NBEAL1: variants seen among roughly 807,000 people sequenced by gnomAD.
NBEAL1 encodes the protein neurobeachin like 1.
NBEAL1 carries 273 observed loss-of-function variants against 351.3 expected under a neutral mutation model. The ratio of observed to expected loss-of-function variants is 0.78; its 90% CI spans 0.70 to 0.86. The LOEUF is 0.86. Ranked by LOEUF, NBEAL1 falls within the 40% of genes least tolerant of loss-of-function variation. The probability of loss-of-function intolerance (pLI) is 0.00; values close to 1 mark genes in which losing one functional copy is unlikely to be tolerated. For synonymous variants in NBEAL1, 1,050 were observed against 1,086.4 expected, an observed-to-expected ratio of 0.97 and a Z score of 0.66; for missense variants, 2,961 against 3,201.3, an observed-to-expected ratio of 0.92 and a Z score of 1.81.
chr2:203,019,343 T>TC (rs1035037970), intron 2 of NBEAL1, among the ~76,000 whole-genome samples: 1 of 152,220 alleles, frequency 6.6e-6, no homozygotes. Flanking sequence ...TGATTACAGT[T>TC]CCTTAAAGGG....
At chr2:203,046,894 G>A (rs1048065513) in intron 3 of NBEAL1, among the ~76,000 whole-genome samples, 9 of 152,136 alleles carry the variant, frequency 5.9e-5, no homozygotes, top group Admixed American at 5.9e-4. Context: ...AGACATATAG[G>A]TCGGATGCAG....
intron 37 of NBEAL1, 32 bp from the exon 38 acceptor site, chr2:203,167,195 T>A: frequency 1.3e-6 from 2 of 1,589,184 alleles, no homozygotes; most frequent in South Asian, 2.3e-5. Flanking sequence ...CTTTATATGG[T>A]ATCTCAGTCA....
chr2:203,102,314 C>T (rs932726894), intron 12 of NBEAL1, among the ~76,000 whole-genome samples: 3 of 152,136 alleles, frequency 2.0e-5, no homozygotes, highest in Admixed American at 2.0e-4. Context: ...TTTCTCTTGC[C>T]TGATTGCTCT....
chr2:203,155,665 C>T (rs1023843609), intron 35 of NBEAL1, among the ~76,000 whole-genome samples: 1 of 152,096 alleles, frequency 6.6e-6, no homozygotes, highest in Non-Finnish European at 1.5e-5. Context: ...CCAGGTTGGT[C>T]TTGAATTTCT....
intron 17 of NBEAL1, among the ~76,000 whole-genome samples, chr2:203,115,037 C>T (rs1231999994): frequency 6.6e-6 from 1 of 152,120 alleles, no homozygotes; most frequent in East Asian, 1.9e-4. Context: ...CAGGCGTGAG[C>T]CACTGTGCTA....
chr2:203,116,042 G>T lies in NBEAL1; in HGVS notation c.2564G>T (p.Gly855Val), dbSNP rs1420419730. The T allele has an allele frequency of 4.5e-6, 7 of 1,553,524 alleles. No homozygotes were observed. Among genetic ancestry groups the T allele is most frequent in the Non-Finnish European group, 5.2e-6 (6 of 1,147,368 alleles). ...GAGTCTGACATGGCCGACCTGCCTGGTAACATCCTTCTTTACTACACAGCA... is the reference window on the plus strand; with the variant it reads ...GAGTCTGACATGGCCGACCTGCCTGTTAACATCCTTCTTTACTACACAGCA... ...CQESDMADLP[G>V]NILLYYTAKA... Residue 855 changes from glycine (G) to valine (V), a missense_variant, in exon 18 of 56, where the codon GGT becomes GTT. Coordinates refer to ENST00000683969, the MANE Select transcript of NBEAL1 (RefSeq NM_001378026.1).
intron 35 of NBEAL1, among the ~76,000 whole-genome samples, chr2:203,153,214 C>T (rs72934589): frequency 0.092 from 14,049 of 152,082 alleles, 756 homozygotes; most frequent in Non-Finnish European, 0.12. Context: ...CTCACTGTAG[C>T]CTTGACCTCC....
intron 2 of NBEAL1, among the ~76,000 whole-genome samples, chr2:203,020,840 T>C (rs925083551): frequency 1.3e-5 from 2 of 152,192 alleles, no homozygotes; most frequent in African/African-American, 4.8e-5. Flanking sequence ...GGATTTTAGT[T>C]CAGTAGTTAA....
intron 24 of NBEAL1, 107 bp from the exon 25 acceptor site, chr2:203,130,211 T>C (rs954698285): frequency 8.2e-6 from 9 of 1,096,738 alleles, no homozygotes; most frequent in African/African-American, 6.7e-5. Flanking sequence ...GAAGTTAAGA[T>C]AAAACATTAT....
intron 44 of NBEAL1, among the ~76,000 whole-genome samples, chr2:203,188,104 CTTGAA>C (rs1013915159): frequency 6.6e-6 from 1 of 151,034 alleles, no homozygotes; most frequent in Non-Finnish European, 1.5e-5. Flanking sequence ...ATTTTTTTTT[CTTGAA>C]TTGAATTTCT....
intron 54 of NBEAL1, among the ~76,000 whole-genome samples, chr2:203,211,374 C>G (rs909384329): frequency 7.9e-5 from 12 of 152,102 alleles, no homozygotes; most frequent in Admixed American, 2.6e-4. Context: ...GACATAGTCA[C>G]TCCTGCCTGT....
At chr2:203,067,700 T>C (rs1021213913) in intron 6 of NBEAL1, among the ~76,000 whole-genome samples, 2 of 152,206 alleles carry the variant, frequency 1.3e-5, no homozygotes, top group East Asian at 1.9e-4. Flanking sequence ...TGAAAAAATA[T>C]CTGTGATTTT....
chr2:203,118,401 T>C (rs1461744141), intron 18 of NBEAL1, among the ~76,000 whole-genome samples: 1 of 152,216 alleles, frequency 6.6e-6, no homozygotes, highest in Admixed American at 6.5e-5. Flanking sequence ...GAGTCTTATA[T>C]TTTTGTTTGC....
intron 6 of NBEAL1, among the ~76,000 whole-genome samples, chr2:203,064,733 T>C (rs949366450): frequency 6.6e-6 from 1 of 152,140 alleles, no homozygotes; most frequent in African/African-American, 2.4e-5. Flanking sequence ...CTGAATGCAA[T>C]ACCTGACCCT....
At chr2:203,149,187 T>C (rs747478895) in intron 34 of NBEAL1, 39 bp downstream of exon 34, 54 of 1,507,214 alleles carry the variant, frequency 3.6e-5, no homozygotes, top group Non-Finnish European at 4.7e-5. Context: ...CCTTTTTCTT[T>C]AGTACTCTGG....
At position 203,135,805 on chromosome 2, in the gene NBEAL1, C is replaced by A; in HGVS notation, c.3942C>A (p.His1314Gln). The change falls in exon 28 of 56, where the codon CAC (histidine) becomes CAA (glutamine). Residue 1314 changes from histidine (H) to glutamine (Q), a missense_variant. Physicochemically the swap from His to Gln is conservative, Grantham distance 24. Transcript: ENST00000683969. ...AAAACGGAAATACTCTTCATAAGCA[C>A]AGTAGAGCTGTTTTAATGAAAGACA... ...KFENGNTLHK[H>Q]SRAVLMKDND... 4 of 1,613,394 alleles carry A rather than the reference C, an allele frequency of 2.5e-6. No homozygotes were observed. The highest frequency in any genetic ancestry group is 3.4e-6 in the Non-Finnish European group (4 of 1,179,682).
intron 18 of NBEAL1, among the ~76,000 whole-genome samples, chr2:203,121,523 A>C (rs1377195408): frequency 1.3e-5 from 2 of 151,524 alleles, no homozygotes; most frequent in African/African-American, 4.8e-5. Flanking sequence ...GTGGTGGCGC[A>C]CCACTGTAAT....
intron 48 of NBEAL1, among the ~76,000 whole-genome samples, chr2:203,198,784 G>A (rs777842730): frequency 2.6e-5 from 4 of 151,298 alleles, no homozygotes; most frequent in Admixed American, 6.6e-5. Context: ...GATTGCTTGC[G>A]CCCGGGAGGT....
chr2:203,158,269 C>T lies in NBEAL1; in HGVS notation c.5714+444C>T, dbSNP rs77442720. On this transcript the variant is annotated intron_variant, in intron 36 of 55. Transcript: ENST00000683969. ...AAAGCAAAAAACATAAACCTCTAGC[C>T]AGACTGATTAAAAGAAAGACAACAT... 5.4e-3 allele frequency among the ~76,000 whole-genome samples: 817 copies of T among 152,162 alleles called. 11 individuals are homozygous for T. The highest frequency in any genetic ancestry group is 0.019 in the African/African-American group (771 of 41,536).
Sources: gnomAD v4.1 joint callset for allele counts (sites outside exome capture counted in the v4.1 genomes callset) on GRCh38, gnomAD v4.1.1 for gene constraint, MANE v1.5 for transcripts, NCBI Gene and HGNC (gene_info 2026-07-23, HGNC 2026-07-21) for gene names.